Variants in SCN11A observed in about 807,000 individuals in gnomAD.
SCN11A encodes the protein sodium channel protein type 11 subunit alpha.
A neutral mutation model predicts 162.2 loss-of-function variants in SCN11A; 122 were observed. The observed-to-expected ratio is 0.75, with a 90% CI of 0.65 to 0.87. SCN11A has a LOEUF of 0.87. Among genes scored for constraint, SCN11A ranks in the 40% least tolerant of loss-of-function variants. SCN11A has a pLI of 0.00. For synonymous variants in SCN11A, 758 were observed against 751.5 expected, an observed-to-expected ratio of 1.01 and a Z score of -0.14; for missense variants, 2,015 against 2,181.6, an observed-to-expected ratio of 0.92 and a Z score of 1.52.
Position 38,846,871 on chromosome 3 carries a change from C to T in SCN11A, c.5199G>A (p.Glu1733=), listed in dbSNP as rs2126075415. The stretch of plus-strand genomic sequence containing the variant: ...TTTGAATAATAGCAGCACCTCTTTC[C>T]TCTTCCTTTCTCTTGGTGGTGGTGA... The part of the protein sequence containing the change: ...PIVTTTKRKE[E]ERGAAIIQKA... The change falls in exon 30 of 30, where the codon GAG becomes GAA. Residue 1733 remains glutamate, a synonymous_variant. Coordinates refer to ENST00000302328, the MANE Select transcript of SCN11A (RefSeq NM_001349253.2). The T allele has an allele frequency of 1.2e-6, 2 of 1,614,094 alleles. No homozygotes were observed. Among genetic ancestry groups the T allele is most frequent in the East Asian group, 4.5e-5 (2 of 44,872 alleles).
At chr3:38,960,229 A>G (rs552955824) in intron 3 of SCN11A, among the ~76,000 whole-genome samples, 54 bp downstream of exon 3, 3 of 152,202 alleles carry the variant, frequency 2.0e-5, no homozygotes, top group Non-Finnish European at 4.4e-5. Context: ...TCCAGGTGGC[A>G]GGTCCCAGAC....
At chr3:38,972,802 G>A (rs776834569) in intron 2 of SCN11A, among the ~76,000 whole-genome samples, 20 of 152,108 alleles carry the variant, frequency 1.3e-4, no homozygotes, top group Non-Finnish European at 2.2e-4. Flanking sequence ...AAAAAAAGTC[G>A]TTCTAACACT....
Position 38,926,945 on chromosome 3 carries a change from C to A in SCN11A, c.489-14G>T. ...GTGAAGACACACCTAAAAAGCAAATCATTTACAACAGGAAGAAACATGATA... is the reference window on the plus strand; with the variant it reads ...GTGAAGACACACCTAAAAAGCAAATAATTTACAACAGGAAGAAACATGATA... On this transcript the variant is annotated splice_polypyrimidine_tract_variant and intron_variant, in intron 7 of 29. Coordinates refer to ENST00000302328, the MANE Select transcript of SCN11A (RefSeq NM_001349253.2). The A allele has an allele frequency of 6.2e-7, 1 of 1,607,988 alleles. No individual in the cohort carries two copies. The highest frequency in any genetic ancestry group is 1.1e-5 in the South Asian group (1 of 89,936).
chr3:38,847,142 T>C lies in SCN11A; in HGVS notation c.4928A>G (p.Tyr1643Cys). The change falls in exon 30 of 30, where the codon TAT becomes TGT. Residue 1643 changes from tyrosine to cysteine, a missense_variant. Physicochemically the swap from Tyr to Cys is radical, Grantham distance 194. Transcript: ENST00000302328. Reference protein sequence around the residue: ...FDPEATQFIKYSALSDFADAL... With the variant: ...FDPEATQFIKCSALSDFADAL... Reference sequence around the variant, plus strand: ...ATCAGCAAAGTCAGAAAGGGCAGAATATTTGATAAATTGTGTTGCTTCTGG... The same window carrying C: ...ATCAGCAAAGTCAGAAAGGGCAGAACATTTGATAAATTGTGTTGCTTCTGG... The C allele has an allele frequency of 1.2e-6, 2 of 1,614,250 alleles. No individual in the cohort carries two copies. The highest frequency in any genetic ancestry group is 1.7e-6 in the Non-Finnish European group (2 of 1,180,054).
intron 24 of SCN11A, 99 bp downstream of exon 24, chr3:38,872,094 A>C: frequency 1.3e-6 from 1 of 784,010 alleles, no homozygotes; most frequent in South Asian, 1.6e-5. Context: ...ACCCAGGAAA[A>C]GCTTGGCAAT....
chr3:38,997,748 T>G (rs369191869), intron 2 of SCN11A, among the ~76,000 whole-genome samples: 6 of 152,368 alleles, frequency 3.9e-5, no homozygotes, highest in African/African-American at 1.4e-4. Flanking sequence ...GGAATCTCCA[T>G]GTTCATCTCT....
intron 2 of SCN11A, among the ~76,000 whole-genome samples, chr3:39,028,923 T>C (rs115725279): frequency 0.015 from 2,281 of 152,264 alleles, 62 homozygotes; most frequent in African/African-American, 0.051. Context: ...CATCATTACA[T>C]TGGGAATCAA....
chr3:38,975,119 G>A lies in SCN11A; in HGVS notation c.-279-14696C>T, dbSNP rs542389530. 5.4e-5 allele frequency among the ~76,000 whole-genome samples: 8 copies of A among 148,470 alleles called. No individual in the cohort carries two copies. In the South Asian group the frequency reaches 1.7e-3, roughly 32 times the overall value. ...AACTGTCAACTTAAACTTGTATGCT[G>A]ATAAAAAACTATTTCAAAAAACGAC... On this transcript the variant is annotated intron_variant, in intron 2 of 29. Coordinates refer to ENST00000302328, the MANE Select transcript of SCN11A (RefSeq NM_001349253.2).
In SCN11A at chr3:38,910,192, T is replaced by C; in HGVS notation, c.975A>G (p.Gln325=). 1 of 1,613,358 alleles carries C rather than the reference T, an allele frequency of 6.2e-7. No homozygotes were observed. Among genetic ancestry groups the C allele is most frequent in the Non-Finnish European group, 8.5e-7 (1 of 1,179,488 alleles). ...IWMGNSACSI[Q]YECKHTKINP... Reference sequence around the variant, plus strand: ...TAATTTTGGTGTGCTTACATTCATATTGTATGGAACAGGCACTAGATATTG... The same window carrying C: ...TAATTTTGGTGTGCTTACATTCATACTGTATGGAACAGGCACTAGATATTG... The change falls in exon 12 of 30, where the codon CAA becomes CAG. Residue 325 remains glutamine, a synonymous_variant. Transcript: ENST00000302328.
chr3:38,871,927 G>A (rs1300613441), intron 24 of SCN11A, among the ~76,000 whole-genome samples: 1 of 152,088 alleles, frequency 6.6e-6, no homozygotes, highest in African/African-American at 2.4e-5. Context: ...GAAGTGCCCT[G>A]GTGATGACAG....
chr3:39,031,434 G>A (rs1388049652), intron 2 of SCN11A, among the ~76,000 whole-genome samples: 1 of 151,862 alleles, frequency 6.6e-6, no homozygotes, highest in Non-Finnish European at 1.5e-5. Flanking sequence ...GCTGAGGCAG[G>A]AGAATAGCTT....
intron 22 of SCN11A, among the ~76,000 whole-genome samples, chr3:38,881,223 A>C (rs1354509845): frequency 6.6e-6 from 1 of 152,110 alleles, no homozygotes; most frequent in East Asian, 1.9e-4. Flanking sequence ...CCCATCCTAC[A>C]TGCTCCCATG....
chr3:38,874,356 G>T (rs1391550834), intron 23 of SCN11A, among the ~76,000 whole-genome samples: 1 of 152,140 alleles, frequency 6.6e-6, no homozygotes, highest in Admixed American at 6.5e-5. Context: ...CCAGCACTTT[G>T]GGAGGCTGAG....
At chr3:38,992,104 T>G (rs1271446697) in intron 2 of SCN11A, among the ~76,000 whole-genome samples, 2 of 152,200 alleles carry the variant, frequency 1.3e-5, no homozygotes, top group Non-Finnish European at 2.9e-5. Flanking sequence ...CCACCATGCC[T>G]GGCCAGTCTG....
At chr3:39,051,453 G>C (rs1253492643) in intron 1 of SCN11A, among the ~76,000 whole-genome samples, 1 of 152,166 alleles carries the variant, frequency 6.6e-6, no homozygotes, top group Non-Finnish European at 1.5e-5. Flanking sequence ...CAAAGGACAT[G>C]ATCTCGTTCT....
In SCN11A at chr3:38,847,035, G is replaced by A. The variant is rs143537709; in HGVS notation, c.5035C>T (p.Arg1679Cys). 62 of 1,613,946 alleles carry A rather than the reference G, an allele frequency of 3.8e-5. No individual in the cohort carries two copies. Among genetic ancestry groups the A allele is most frequent in the East Asian group, 6.7e-5 (3 of 44,864 alleles). Residue 1679 changes from arginine to cysteine, a missense_variant, in exon 30 of 30, where the codon CGC (arginine) becomes TGC (cysteine). Coordinates refer to ENST00000302328, the MANE Select transcript of SCN11A (RefSeq NM_001349253.2). ...AAAAGAATATCCATGCAGTGGAGGCGATCTTCACTCACCATGGGCAAGTCC... is the reference window on the plus strand; with the variant it reads ...AAAAGAATATCCATGCAGTGGAGGCAATCTTCACTCACCATGGGCAAGTCC... ...VMDLPMVSED[R>C]LHCMDILFAF...
intron 21 of SCN11A, 87 bp from the exon 22 acceptor site, chr3:38,883,474 C>T (rs1559506245): frequency 4.6e-6 from 6 of 1,312,162 alleles, no homozygotes; most frequent in Non-Finnish European, 4.2e-6. Flanking sequence ...TGTGTTCATG[C>T]CCCTTGCCAT....
intron 27 of SCN11A, 37 bp from the exon 28 acceptor site, chr3:38,863,336 G>GTT: frequency 4.7e-5 from 44 of 940,314 alleles, no homozygotes; most frequent in Admixed American, 7.2e-5. Context: ...ACCTTTAACA[G>GTT]TTTTTTTTTT....
chr3:38,850,589 C>G lies in SCN11A; in HGVS notation c.4219G>C (p.Val1407Leu). 1 of 1,613,870 alleles carries G rather than the reference C, an allele frequency of 6.2e-7. No homozygotes were observed. Among genetic ancestry groups the G allele is most frequent in the Non-Finnish European group, 8.5e-7 (1 of 1,179,886 alleles). ...ATGAGACATTCTAACGTAAAGATGA[C>G]CACAAAGACCCAGTTGAGATGGTCA... ...ILDHLNWVFV[V>L]IFTLECLIKI... is the part of the protein sequence containing the mutation. Residue 1407 changes from valine (V) to leucine (L), a missense_variant, in exon 29 of 30, where the codon GTC becomes CTC. Coordinates refer to ENST00000302328, the MANE Select transcript of SCN11A (RefSeq NM_001349253.2).
Sources: allele counts gnomAD v4.1 joint callset (sites outside exome capture counted in the v4.1 genomes callset), GRCh38; gene constraint gnomAD v4.1.1; transcripts MANE v1.5; gene names NCBI Gene and HGNC (gene_info 2026-07-23, HGNC 2026-07-21).